The following ESRP1 variants were observed in gnomAD, a reference collection of about 807,000 sequenced individuals.
ESRP1 encodes the protein RNA-binding motif protein 35A.
A neutral mutation model predicts 81.7 loss-of-function variants in ESRP1; 33 were observed. That is an observed-to-expected ratio of 0.40 (90% CI 0.31 to 0.54). The LOEUF (loss-of-function observed/expected upper bound fraction) is 0.54, where lower values mean the gene tolerates loss of function less well. Among genes scored for constraint, ESRP1 ranks in the 20% least tolerant of loss-of-function variants. ESRP1 has a pLI of 0.41. For missense variants in ESRP1, 672 were observed against 833.1 expected, an observed-to-expected ratio of 0.81 and a Z score of 2.38; for synonymous variants, 320 against 303.3, an observed-to-expected ratio of 1.06 and a Z score of -0.57.
intron 4 of ESRP1, among the ~76,000 whole-genome samples, chr8:94,648,127 T>C (rs1487684147): frequency 2.6e-5 from 4 of 152,182 alleles, no homozygotes; most frequent in Non-Finnish European, 5.9e-5. Flanking sequence ...CGTGGTTGCA[T>C]GAGACTGTAG....
At chr8:94,684,141 A>C (rs55716822) in intron 13 of ESRP1, among the ~76,000 whole-genome samples, 62,079 of 151,664 alleles carry the variant, frequency 0.41, 12,787 homozygotes, top group East Asian at 0.55. Context: ...GCCACTGCGC[A>C]CGCCTTGGGG....
In ESRP1 at chr8:94,705,921, T is replaced by TTC; in HGVS notation, c.*36-4_*36-3insTC. 7.0e-7 allele frequency: 1 copy of TTC among 1,427,178 alleles called. No homozygotes were observed. Among genetic ancestry groups the TTC allele is most frequent in the Non-Finnish European group, 9.2e-7 (1 of 1,088,826 alleles). 88.4% of individuals were successfully genotyped at this position (1,427,178 alleles called of 1,614,324 possible). The stretch of plus-strand genomic sequence containing the variant: ...TTATTCACTTTTTTTTTTTTTTTTT[T>TTC]CAGTGTTTGAAAGATGTATGGTGAT... On this transcript the variant is annotated splice_region_variant and splice_polypyrimidine_tract_variant and intron_variant, in intron 15 of 15. Coordinates refer to ENST00000433389, the MANE Select transcript of ESRP1 (RefSeq NM_017697.4).
At chr8:94,674,146 T>C (rs1819475324) in intron 11 of ESRP1, among the ~76,000 whole-genome samples, 162 bp from the exon 12 acceptor site, 1 of 152,236 alleles carries the variant, frequency 6.6e-6, no homozygotes, top group African/African-American at 2.4e-5. Context: ...GATCAGGTGA[T>C]GAAATGCAAG....
Position 94,692,678 on chromosome 8 carries a change from C to A in ESRP1, c.1822C>A (p.Pro608Thr), listed in dbSNP as rs759368856. The A allele has an allele frequency of 1.2e-6, 2 of 1,612,878 alleles. No individual in the cohort carries two copies. The highest frequency in any genetic ancestry group is 1.3e-5 in the African/African-American group (1 of 74,884). The change falls in exon 14 of 16, where the codon CCC (proline) becomes ACC (threonine). Residue 608 changes from proline (P) to threonine (T), a missense_variant and splice_region_variant. Physicochemically the swap from Pro to Thr is conservative, Grantham distance 38. Transcript: ENST00000433389. ...TCACTGTGCTTTCTCTCCCTTTAGCCCCCCAGGTTCGCCTAATAGTCTTGG... is the reference window on the plus strand; with the variant it reads ...TCACTGTGCTTTCTCTCCCTTTAGCACCCCAGGTTCGCCTAATAGTCTTGG... ...FMNYTAYYPS[P>T]PGSPNSLGYF...
rs1817563757 is a variant in ESRP1 at position 94,641,202 on chromosome 8, G to T, written c.-117G>T. ...TTGCACTAGCAGTAGCAAGGAAGGGGGGTGGGCGCTCTTTCTTTTTCTCTT... is the reference window on the plus strand; with the variant it reads ...TTGCACTAGCAGTAGCAAGGAAGGGTGGTGGGCGCTCTTTCTTTTTCTCTT... On this transcript the variant is annotated 5_prime_UTR_variant, in exon 1 of 16. Coordinates refer to ENST00000433389, the MANE Select transcript of ESRP1 (RefSeq NM_017697.4). 1 of 1,001,358 alleles carries T rather than the reference G, an allele frequency of 1.0e-6. No individual in the cohort carries two copies. Among genetic ancestry groups the T allele is most frequent in the East Asian group, 2.6e-5 (1 of 37,954 alleles). 62.0% of individuals were successfully genotyped at this position (1,001,358 alleles called of 1,614,324 possible).
intron 4 of ESRP1, among the ~76,000 whole-genome samples, chr8:94,661,538 T>G (rs1818746901): frequency 2.6e-5 from 4 of 152,222 alleles, no homozygotes; most frequent in Admixed American, 1.3e-4. Flanking sequence ...ATGCCTCTAT[T>G]TGATGGAAAT....
rs753617183 is a variant in ESRP1, at chr8:94,643,295, T to A, written c.262-8T>A. The A allele has an allele frequency of 6.4e-7, 1 of 1,571,622 alleles. No individual in the cohort carries two copies. Among genetic ancestry groups the A allele is most frequent in the East Asian group, 2.2e-5 (1 of 44,696 alleles). ...AGTTGCATCCCTATGTGTATCTTGTTCTTGCAGTTTAACCAGTCAGTGAGC... is the reference window on the plus strand; with the variant it reads ...AGTTGCATCCCTATGTGTATCTTGTACTTGCAGTTTAACCAGTCAGTGAGC... On this transcript the variant is annotated splice_region_variant and splice_polypyrimidine_tract_variant and intron_variant, in intron 2 of 15. Transcript: ENST00000433389.
chr8:94,684,325 A>G (rs907947643), intron 13 of ESRP1, among the ~76,000 whole-genome samples: 1 of 152,216 alleles, frequency 6.6e-6, no homozygotes, highest in Non-Finnish European at 1.5e-5. Flanking sequence ...AGAAGCCTGT[A>G]TGGACTTTTA....
At chr8:94,646,783 T>C (rs886611841) in intron 4 of ESRP1, among the ~76,000 whole-genome samples, 5 of 152,186 alleles carry the variant, frequency 3.3e-5, no homozygotes, top group African/African-American at 1.2e-4. Flanking sequence ...TCTTTGGAGA[T>C]GATAAAATGG....
chr8:94,652,018 T>G (rs1818167904), intron 4 of ESRP1, among the ~76,000 whole-genome samples: 1 of 111,378 alleles, frequency 9.0e-6, no homozygotes, highest in Non-Finnish European at 1.7e-5. Flanking sequence ...TTTGACAGAG[T>G]TTCTGTCTTG....
chr8:94,700,367 CAG>C (rs539039534), intron 15 of ESRP1, among the ~76,000 whole-genome samples: 5 of 152,148 alleles, frequency 3.3e-5, no homozygotes, highest in Non-Finnish European at 5.9e-5. Flanking sequence ...GGAAATCAGA[CAG>C]AGACACATAC....
At chr8:94,684,010 G>T (rs567584019) in intron 13 of ESRP1, among the ~76,000 whole-genome samples, 1 of 152,146 alleles carries the variant, frequency 6.6e-6, no homozygotes. Context: ...ACCATGCCCA[G>T]CTAATTTTGT....
chr8:94,651,592 T>C (rs911810580), intron 4 of ESRP1, among the ~76,000 whole-genome samples: 4 of 151,746 alleles, frequency 2.6e-5, no homozygotes, highest in African/African-American at 9.7e-5. Flanking sequence ...AGTAGGACCA[T>C]TTTGATGACA....
Position 94,706,045 on chromosome 8 carries a change from G to T in ESRP1, c.*156G>T, listed in dbSNP as rs1294648183. 1.1e-5 allele frequency: 13 copies of T among 1,216,968 alleles called. No individual in the cohort carries two copies. Among genetic ancestry groups the T allele is most frequent in the South Asian group, 5.9e-5 (4 of 67,966 alleles). The allele number at this position is 1,216,968 out of a possible 1,614,324, so 75.4% of individuals were successfully genotyped here. The stretch of plus-strand genomic sequence containing the variant: ...TTCAGCAAACTTGATTGGACAAACG[G>T]GCCTGTGCCTTATCTTTTGGTGGAG... On this transcript the variant is annotated 3_prime_UTR_variant, in exon 16 of 16. Coordinates refer to ENST00000433389, the MANE Select transcript of ESRP1 (RefSeq NM_017697.4).
Position 94,674,400 on chromosome 8 carries a change from C to G in ESRP1, c.1545C>G (p.Asp515Glu), listed in dbSNP as rs777955065. The G allele has an allele frequency of 6.2e-7, 1 of 1,613,806 alleles. No individual in the cohort carries two copies. The highest frequency in any genetic ancestry group is 2.2e-5 in the East Asian group (1 of 44,896). The change falls in exon 12 of 16, where the codon GAC becomes GAG. Residue 515 changes from aspartate to glutamate, a missense_variant. Transcript: ENST00000433389. ...AQKCHKKNMK[D>E]RYVEVFQCSA... ...AGTGTCATAAAAAAAACATGAAGGACAGATATGTTGAAGTCTTTCAGTGTT... is the reference window on the plus strand; with the variant it reads ...AGTGTCATAAAAAAAACATGAAGGAGAGATATGTTGAAGTCTTTCAGTGTT...
intron 15 of ESRP1, among the ~76,000 whole-genome samples, chr8:94,698,321 A>T (rs574922770): frequency 6.6e-6 from 1 of 152,154 alleles, no homozygotes; most frequent in Non-Finnish European, 1.5e-5. Context: ...GAATGTGACT[A>T]TTCTAGGTAG....
At chr8:94,661,915 G>C (rs2130604684) in intron 4 of ESRP1, among the ~76,000 whole-genome samples, 1 of 152,274 alleles carries the variant, frequency 6.6e-6, no homozygotes, top group South Asian at 2.1e-4. Flanking sequence ...AAGTCGGCAT[G>C]GTCATTGCCT....
chr8:94,662,950 T>A (rs1391110710), intron 6 of ESRP1, among the ~76,000 whole-genome samples: 1 of 152,228 alleles, frequency 6.6e-6, no homozygotes, highest in East Asian at 1.9e-4. Flanking sequence ...ATTCTTGTTA[T>A]ATTTGAGAAA....
At chr8:94,695,371 T>TTTTTTTTA (rs1351009238) in intron 14 of ESRP1, among the ~76,000 whole-genome samples, 2 of 111,996 alleles carry the variant, frequency 1.8e-5, no homozygotes, top group South Asian at 2.9e-4. Context: ...TTTTTTTTTT[T>TTTTTTTTA]TGAGACGGAG....
Sources: allele counts gnomAD v4.1 joint callset (sites outside exome capture counted in the v4.1 genomes callset), GRCh38; gene constraint gnomAD v4.1.1; transcripts MANE v1.5; gene names NCBI Gene and HGNC (gene_info 2026-07-23, HGNC 2026-07-21).